HTR1E: variants seen among roughly 807,000 people sequenced by gnomAD.
The protein encoded by HTR1E is 5-hydroxytryptamine receptor 1E, also known as 5-HT-1E.
Under a neutral mutation model 3.4 loss-of-function variants are expected in HTR1E, and 3 were observed. The observed-to-expected ratio is 0.89, with a 90% CI of 0.41 to 2.31. The LOEUF (loss-of-function observed/expected upper bound fraction) is 2.31. Ranked by LOEUF, HTR1E falls within the 30% of genes most tolerant of loss-of-function variation. The probability of loss-of-function intolerance (pLI) is 0.05; values close to 1 mark genes in which losing one functional copy is unlikely to be tolerated. For missense variants in HTR1E, 392 were observed against 467.0 expected (o/e 0.84, Z 1.48); for synonymous variants, 170 against 182.8 (o/e 0.93, Z 0.56).
At chr6:87,002,657 G>A (rs867134924) in intron 1 of HTR1E, among the ~76,000 whole-genome samples, 1 of 152,106 alleles carries the variant, frequency 6.6e-6, no homozygotes, top group Non-Finnish European at 1.5e-5. Context: ...GTGCTGATCG[G>A]TGCATTTTTA....
Position 87,009,857 on chromosome 6 carries a change from G to A in HTR1E, c.-185-5293G>A, listed in dbSNP as rs866805245. 1.2e-3 allele frequency among the ~76,000 whole-genome samples: 134 copies of A among 111,896 alleles called. 2 individuals carry two copies. Among genetic ancestry groups the A allele is most frequent in the African/African-American group, 4.8e-3 (118 of 24,576 alleles). 73.4% of individuals were successfully genotyped at this position (111,896 alleles called of 152,430 possible). A position where few individuals can be genotyped will look rare whatever the true frequency, so the allele number is the denominator to read the frequency against. On this transcript the variant is annotated intron_variant, in intron 1 of 1. Coordinates refer to ENST00000305344, the MANE Select transcript of HTR1E (RefSeq NM_000865.3). Reference sequence around the variant, plus strand: ...ACTGACCCCCCCCCACCTCCCTCCCGGACGGGGCGGCTGGCCGGGCGGGGG... The same window carrying A: ...ACTGACCCCCCCCCACCTCCCTCCCAGACGGGGCGGCTGGCCGGGCGGGGG...
At chr6:86,943,709 A>T (rs187103087) in intron 1 of HTR1E, among the ~76,000 whole-genome samples, 1 of 152,214 alleles carries the variant, frequency 6.6e-6, no homozygotes, top group African/African-American at 2.4e-5. Flanking sequence ...CTGCTTTCAC[A>T]TCTCTAAACC....
chr6:86,976,802 T>C (rs1477602836), intron 1 of HTR1E, among the ~76,000 whole-genome samples: 2 of 152,222 alleles, frequency 1.3e-5, no homozygotes, highest in African/African-American at 4.8e-5. Flanking sequence ...TATGAAATCA[T>C]TGCCTTTTTA....
chr6:87,007,935 A>G (rs1274209827), intron 1 of HTR1E, among the ~76,000 whole-genome samples: 1 of 151,786 alleles, frequency 6.6e-6, no homozygotes, highest in Admixed American at 6.6e-5. Flanking sequence ...TTCTGTCTCA[A>G]AAAAAAAATT....
In HTR1E at chr6:87,016,602, G is replaced by T. The variant is rs1768331390; in HGVS notation, c.*170G>T. The stretch of plus-strand genomic sequence containing the variant: ...TTTTGTTCTGTTTTGTTTGAGGATT[G>T]TTATTTGGCGTGCTGTTTTCTACCT... On this transcript the variant is annotated 3_prime_UTR_variant, in exon 2 of 2. Coordinates refer to ENST00000305344, the MANE Select transcript of HTR1E (RefSeq NM_000865.3). 1.8e-6 allele frequency: 1 copy of T among 543,364 alleles called. No homozygotes were observed. Among genetic ancestry groups the T allele is most frequent in the African/African-American group, 1.9e-5 (1 of 52,588 alleles). 33.7% of individuals were successfully genotyped at this position (543,364 alleles called of 1,614,324 possible).
At chr6:87,014,629 A>C (rs1222366504) in intron 1 of HTR1E, among the ~76,000 whole-genome samples, 2 of 152,216 alleles carry the variant, frequency 1.3e-5, no homozygotes, top group East Asian at 3.8e-4. Flanking sequence ...TGCAGCCATA[A>C]AAAAGGATGA....
At chr6:86,970,492 A>G (rs189489797) in intron 1 of HTR1E, 173 of 162,898 alleles carry the variant, frequency 1.1e-3, no homozygotes, top group Non-Finnish European at 1.6e-3. Context: ...CTGCTTTGCC[A>G]AAAACCCTCA....
At chr6:86,948,072 C>T (rs960984665) in intron 1 of HTR1E, among the ~76,000 whole-genome samples, 1 of 152,078 alleles carries the variant, frequency 6.6e-6, no homozygotes, top group Middle Eastern at 3.2e-3. Flanking sequence ...TGTGATGTTC[C>T]CCTCCTTGTG....
chr6:86,957,236 A>G (rs1767339119), intron 1 of HTR1E, among the ~76,000 whole-genome samples: 1 of 152,214 alleles, frequency 6.6e-6, no homozygotes, highest in Non-Finnish European at 1.5e-5. Context: ...CTTTTCAAAA[A>G]CAATAAGCAG....
At chr6:87,010,772 G>C (rs1415909408) in intron 1 of HTR1E, among the ~76,000 whole-genome samples, 3 of 151,298 alleles carry the variant, frequency 2.0e-5, no homozygotes, top group Non-Finnish European at 3.0e-5. Context: ...CTGCAATCTC[G>C]GCACTTTGGG....
intron 1 of HTR1E, among the ~76,000 whole-genome samples, chr6:87,014,152 C>T (rs1196666027): frequency 6.6e-6 from 1 of 151,752 alleles, no homozygotes; most frequent in Non-Finnish European, 1.5e-5. Flanking sequence ...GGAGAAATAC[C>T]TAATGTAAAT....
intron 1 of HTR1E, among the ~76,000 whole-genome samples, chr6:86,988,477 C>T (rs904387147): frequency 7.2e-5 from 11 of 152,198 alleles, no homozygotes; most frequent in African/African-American, 2.4e-4. Flanking sequence ...TTCCCAAGCC[C>T]GAATTCCCAC....
At chr6:86,987,776 C>T (rs1334404003) in intron 1 of HTR1E, among the ~76,000 whole-genome samples, 2 of 152,098 alleles carry the variant, frequency 1.3e-5, no homozygotes, top group African/African-American at 4.8e-5. Flanking sequence ...GAGCTACATC[C>T]TCCACAGGGT....
At chr6:87,004,172 C>A (rs1441278605) in intron 1 of HTR1E, among the ~76,000 whole-genome samples, 1 of 152,004 alleles carries the variant, frequency 6.6e-6, no homozygotes, top group African/African-American at 2.4e-5. Context: ...TCGATTTTAC[C>A]AAACATTTAA....
At chr6:86,983,167 A>G (rs1448952007) in intron 1 of HTR1E, among the ~76,000 whole-genome samples, 1 of 152,216 alleles carries the variant, frequency 6.6e-6, no homozygotes, top group East Asian at 1.9e-4. Flanking sequence ...TGTAACACAG[A>G]GAATCATTTT....
chr6:86,957,170 A>G (rs1255012828), intron 1 of HTR1E, among the ~76,000 whole-genome samples: 1 of 152,206 alleles, frequency 6.6e-6, no homozygotes, highest in Non-Finnish European at 1.5e-5. Flanking sequence ...TTGGAAGCAG[A>G]TGGTTTGGGG....
At chr6:86,969,877 G>A (rs1482219865) in intron 1 of HTR1E, among the ~76,000 whole-genome samples, 2 of 152,126 alleles carry the variant, frequency 1.3e-5, no homozygotes, top group Non-Finnish European at 2.9e-5. Flanking sequence ...CTTGGCCTGG[G>A]GAGCCTGAAT....
At chr6:86,990,189 T>C (rs1410547357) in intron 1 of HTR1E, among the ~76,000 whole-genome samples, 1 of 152,228 alleles carries the variant, frequency 6.6e-6, no homozygotes, top group South Asian at 2.1e-4. Flanking sequence ...AGTGGTGTTA[T>C]TAAGCTGGGT....
intron 1 of HTR1E, among the ~76,000 whole-genome samples, chr6:86,986,899 TC>T (rs1168096935): frequency 4.6e-5 from 7 of 151,846 alleles, no homozygotes; most frequent in African/African-American, 7.3e-5. Context: ...CATAGCAAAG[TC>T]CCCTTGGCCT....
Sources: allele counts gnomAD v4.1 joint callset (sites outside exome capture counted in the v4.1 genomes callset), GRCh38; gene constraint gnomAD v4.1.1; transcripts MANE v1.5; gene names NCBI Gene and HGNC (gene_info 2026-07-23, HGNC 2026-07-21).